The following GRIA4 variants were observed in gnomAD, a reference collection of about 807,000 sequenced individuals.
The protein encoded by GRIA4 is glutamate ionotropic receptor AMPA type subunit 4.
In GRIA4, 34 loss-of-function variants were observed where a neutral mutation model predicts 104.0. That is an observed-to-expected ratio of 0.33 (90% CI 0.25 to 0.44). The LOEUF is 0.44. GRIA4 is among the 20% of genes least tolerant of loss of function. The pLI, the probability that GRIA4 is intolerant of heterozygous loss-of-function variation, is 1.00. For missense variants in GRIA4, 750 were observed against 1,096.5 expected (o/e 0.68, Z 4.46); for synonymous variants, 386 against 381.9 (o/e 1.01, Z -0.13).
At chr11:105,611,321 C>T (rs1444592855) in intron 2 of GRIA4, among the ~76,000 whole-genome samples, 1 of 152,082 alleles carries the variant, frequency 6.6e-6, no homozygotes, top group Non-Finnish European at 1.5e-5. Context: ...CTATTTCCAC[C>T]TTTACCTATA....
chr11:105,851,634 G>A (rs781438138), intron 4 of GRIA4, among the ~76,000 whole-genome samples: 2 of 152,058 alleles, frequency 1.3e-5, no homozygotes, highest in South Asian at 2.1e-4. Context: ...CTCTCTTAGC[G>A]CAGGGAATAG....
intron 5 of GRIA4, among the ~76,000 whole-genome samples, chr11:105,864,229 G>A (rs901882467): frequency 6.6e-6 from 1 of 152,070 alleles, no homozygotes; most frequent in Non-Finnish European, 1.5e-5. Context: ...ACATGCTGTT[G>A]TTGTTGTTTA....
intron 3 of GRIA4, among the ~76,000 whole-genome samples, chr11:105,715,912 C>T (rs1266736232): frequency 2.0e-5 from 3 of 152,224 alleles, no homozygotes; most frequent in African/African-American, 4.8e-5. Context: ...AAATGGCCCA[C>T]GTTATTTCTA....
At chr11:105,962,389 A>G (rs1388399010) in intron 14 of GRIA4, among the ~76,000 whole-genome samples, 1 of 152,230 alleles carries the variant, frequency 6.6e-6, no homozygotes, top group Non-Finnish European at 1.5e-5. Flanking sequence ...AAATTTACAT[A>G]TGTTAGTTCC....
chr11:105,899,557 T>C (rs2136132069), intron 7 of GRIA4, among the ~76,000 whole-genome samples: 1 of 152,340 alleles, frequency 6.6e-6, no homozygotes, highest in African/African-American at 2.4e-5. Flanking sequence ...GGCATGATGG[T>C]AGGCATTCAG....
intron 10 of GRIA4, among the ~76,000 whole-genome samples, 160 bp from the exon 11 acceptor site, chr11:105,918,552 T>C (rs937163297): frequency 6.6e-6 from 1 of 152,134 alleles, no homozygotes; most frequent in Non-Finnish European, 1.5e-5. Flanking sequence ...AGCATACTTA[T>C]ATATTCATCT....
chr11:105,961,160 CT>C (rs1249966745), intron 14 of GRIA4, among the ~76,000 whole-genome samples: 2 of 152,312 alleles, frequency 1.3e-5, no homozygotes, highest in East Asian at 3.9e-4. Flanking sequence ...CATATCTTTA[CT>C]TTTATCTTTC....
chr11:105,630,239 T>C (rs901150774), intron 3 of GRIA4, among the ~76,000 whole-genome samples: 2 of 152,216 alleles, frequency 1.3e-5, no homozygotes, highest in Non-Finnish European at 2.9e-5. Context: ...GCTTGACTCA[T>C]GGCTCAATGC....
intron 3 of GRIA4, among the ~76,000 whole-genome samples, chr11:105,732,821 A>T (rs1436361491): frequency 6.6e-6 from 1 of 152,218 alleles, no homozygotes; most frequent in Admixed American, 6.5e-5. Flanking sequence ...TCAGGCTCCA[A>T]GACTCATGAG....
chr11:105,834,712 C>CTTTTTT (rs5794429), intron 4 of GRIA4, among the ~76,000 whole-genome samples: 2 of 131,638 alleles, frequency 1.5e-5, no homozygotes, highest in Non-Finnish European at 1.6e-5. Context: ...TACAAAAAGA[C>CTTTTTT]TTTTTTTTTT....
At chr11:105,610,842 CCTTTT>C in intron 1 of GRIA4, 61 bp from the exon 2 acceptor site, 1 of 603,790 alleles carries the variant, frequency 1.7e-6, no homozygotes, top group Non-Finnish European at 2.9e-6. Flanking sequence ...AAACCTCTTT[CCTTTT>C]TTTTCTTTCT....
intron 3 of GRIA4, among the ~76,000 whole-genome samples, chr11:105,675,134 C>T (rs2135449511): frequency 6.6e-6 from 1 of 151,992 alleles, no homozygotes; most frequent in South Asian, 2.1e-4. Flanking sequence ...ATTAAGGGCA[C>T]ATGCTTTGAG....
At chr11:105,718,582 A>G (rs888960783) in intron 3 of GRIA4, among the ~76,000 whole-genome samples, 1 of 152,198 alleles carries the variant, frequency 6.6e-6, no homozygotes, top group African/African-American at 2.4e-5. Flanking sequence ...TCATGATACT[A>G]CAAATAGAAA....
chr11:105,632,534 A>C (rs1951061111), intron 3 of GRIA4, among the ~76,000 whole-genome samples: 2 of 152,242 alleles, frequency 1.3e-5, no homozygotes, highest in Non-Finnish European at 2.9e-5. Context: ...TTGACAAATT[A>C]ATCATCCTCT....
intron 3 of GRIA4, among the ~76,000 whole-genome samples, chr11:105,623,367 T>A (rs1950804184): frequency 6.6e-6 from 1 of 151,996 alleles, no homozygotes; most frequent in Non-Finnish European, 1.5e-5. Context: ...CCTTTCTCCA[T>A]CTACTTAACA....
chr11:105,763,985 T>C (rs1466391841), intron 4 of GRIA4, among the ~76,000 whole-genome samples: 4 of 152,214 alleles, frequency 2.6e-5, no homozygotes, highest in Admixed American at 1.3e-4. Context: ...AAAAAGCTCT[T>C]CTATTTGTAA....
intron 4 of GRIA4, among the ~76,000 whole-genome samples, chr11:105,806,658 A>G (rs983146263): frequency 1.3e-5 from 2 of 151,820 alleles, no homozygotes; most frequent in African/African-American, 2.4e-5. Context: ...GAAATTTTGT[A>G]TATTGAATGG....
intron 3 of GRIA4, among the ~76,000 whole-genome samples, chr11:105,690,424 T>C (rs1417003567): frequency 6.6e-6 from 1 of 152,220 alleles, no homozygotes; most frequent in Non-Finnish European, 1.5e-5. Context: ...TGTTTAAATT[T>C]GCTGTGTATG....
At chr11:105,909,936 G>T (rs1220885423) in intron 9 of GRIA4, among the ~76,000 whole-genome samples, 2 of 152,192 alleles carry the variant, frequency 1.3e-5, no homozygotes, top group East Asian at 3.9e-4. Flanking sequence ...TTACCTAGTG[G>T]CTAGGTTATA....
Sources: allele counts gnomAD v4.1 joint callset (sites outside exome capture counted in the v4.1 genomes callset), GRCh38; gene constraint gnomAD v4.1.1; transcripts MANE v1.5; gene names NCBI Gene and HGNC (gene_info 2026-07-23, HGNC 2026-07-21).